SPAG16: variants seen among roughly 807,000 people sequenced by gnomAD.
SPAG16 encodes sperm-associated antigen 16 protein.
A neutral mutation model predicts 80.4 loss-of-function variants in SPAG16; 86 were observed. That is an observed-to-expected ratio of 1.07 (90% CI 0.90 to 1.28). The LOEUF is 1.28. SPAG16 is among the 50% of genes most tolerant of loss of function. The pLI, the probability that SPAG16 is intolerant of heterozygous loss-of-function variation, is 0.00. For synonymous variants in SPAG16, 294 were observed against 265.9 expected (o/e 1.11, Z -1.03); for missense variants, 870 against 765.3 (o/e 1.14, Z -1.61).
At chr2:213,750,735 G>C (rs926030423) in intron 10 of SPAG16, among the ~76,000 whole-genome samples, 3 of 152,188 alleles carry the variant, frequency 2.0e-5, no homozygotes, top group Admixed American at 1.3e-4. Flanking sequence ...AGATGCACTT[G>C]AGTAAAATGT....
chr2:214,242,814 G>A (rs1217249807), intron 15 of SPAG16, among the ~76,000 whole-genome samples: 3 of 152,026 alleles, frequency 2.0e-5, no homozygotes, highest in Non-Finnish European at 4.4e-5. Flanking sequence ...ACATTTTTCA[G>A]GACATATGTA....
At chr2:213,330,512 A>G (rs1447159552) in intron 5 of SPAG16, among the ~76,000 whole-genome samples, 1 of 152,196 alleles carries the variant, frequency 6.6e-6, no homozygotes, top group African/African-American at 2.4e-5. Context: ...CCCATTTGGA[A>G]TGGCTGTATT....
At chr2:213,370,525 A>C (rs886389319) in intron 8 of SPAG16, among the ~76,000 whole-genome samples, 3 of 152,162 alleles carry the variant, frequency 2.0e-5, no homozygotes, top group South Asian at 2.1e-4. Context: ...AAATTATCAT[A>C]ATTTCATGAA....
intron 12 of SPAG16, among the ~76,000 whole-genome samples, chr2:213,981,942 A>G (rs6754617): frequency 0.022 from 3,275 of 150,246 alleles, 187 homozygotes; most frequent in African/African-American, 0.078. Flanking sequence ...CAAAAACACT[A>G]TACCTTTTTC....
intron 15 of SPAG16, among the ~76,000 whole-genome samples, chr2:214,230,980 C>T (rs1057471868): frequency 4.6e-5 from 7 of 151,976 alleles, no homozygotes; most frequent in African/African-American, 1.7e-4. Context: ...TCCCAAAGAT[C>T]TTAAATTGGA....
intron 15 of SPAG16, among the ~76,000 whole-genome samples, chr2:214,270,849 T>G (rs944828248): frequency 5.3e-5 from 8 of 152,144 alleles, no homozygotes; most frequent in African/African-American, 1.9e-4. Flanking sequence ...ACAGCACATT[T>G]TTTATTTCTT....
At chr2:214,297,629 A>G (rs1244426271) in intron 15 of SPAG16, among the ~76,000 whole-genome samples, 1 of 151,938 alleles carries the variant, frequency 6.6e-6, no homozygotes, top group Non-Finnish European at 1.5e-5. Flanking sequence ...CTGACATTGG[A>G]AAATATAAGT....
chr2:213,490,170 G>T, intron 10 of SPAG16, 80 bp downstream of exon 10: 10 of 1,334,784 alleles, frequency 7.5e-6, no homozygotes, highest in Non-Finnish European at 9.1e-6. Flanking sequence ...AGCCATTCAT[G>T]GTTGAAATGG....
chr2:214,178,170 C>T (rs201104228), intron 15 of SPAG16, among the ~76,000 whole-genome samples: 1 of 142,556 alleles, frequency 7.0e-6, no homozygotes, highest in Non-Finnish European at 1.5e-5. Flanking sequence ...TCTAAATATA[C>T]CTAACTAGGG....
At chr2:214,088,314 C>G (rs1253138997) in intron 13 of SPAG16, among the ~76,000 whole-genome samples, 3 of 151,180 alleles carry the variant, frequency 2.0e-5, no homozygotes, top group Non-Finnish European at 4.4e-5. Context: ...TATTCCCAAT[C>G]TTACTTAACA....
At chr2:214,401,367 T>C (rs902462360) in intron 15 of SPAG16, among the ~76,000 whole-genome samples, 2 of 151,986 alleles carry the variant, frequency 1.3e-5, no homozygotes, top group Non-Finnish European at 1.5e-5. Context: ...TTCTGATGTG[T>C]ATAAAAATCA....
intron 15 of SPAG16, among the ~76,000 whole-genome samples, chr2:214,185,763 A>C (rs2057447807): frequency 1.3e-5 from 2 of 152,144 alleles, no homozygotes; most frequent in Non-Finnish European, 2.9e-5. Context: ...TAAATGGAAC[A>C]GATGTATGGT....
intron 2 of SPAG16, 176 bp from the exon 3 acceptor site, chr2:213,297,086 A>G (rs763679566): frequency 5.5e-6 from 8 of 1,455,544 alleles, no homozygotes; most frequent in South Asian, 1.2e-5. Flanking sequence ...GACATTTACA[A>G]GGAAGTCAGA....
chr2:214,214,066 A>G (rs1406448544), intron 15 of SPAG16, among the ~76,000 whole-genome samples: 2 of 152,050 alleles, frequency 1.3e-5, no homozygotes, highest in Non-Finnish European at 2.9e-5. Flanking sequence ...CATGTGTCCT[A>G]TACCCAGCCA....
intron 10 of SPAG16, among the ~76,000 whole-genome samples, chr2:213,737,560 T>C (rs992991803): frequency 1.3e-5 from 2 of 150,848 alleles, no homozygotes; most frequent in African/African-American, 4.9e-5. Context: ...CGATCTCGGC[T>C]CACTGCAAGC....
intron 5 of SPAG16, among the ~76,000 whole-genome samples, chr2:213,336,661 T>A (rs1276043404): frequency 1.3e-5 from 2 of 151,814 alleles, no homozygotes; most frequent in Non-Finnish European, 1.5e-5. Flanking sequence ...CACTGATCCA[T>A]TTTTTCTCAC....
chr2:213,399,712 T>G (rs908905669), intron 9 of SPAG16, among the ~76,000 whole-genome samples: 1 of 152,028 alleles, frequency 6.6e-6, no homozygotes, highest in Admixed American at 6.5e-5. Flanking sequence ...AAGATTTTTA[T>G]ACCCTGGAAG....
intron 15 of SPAG16, among the ~76,000 whole-genome samples, chr2:214,219,988 T>C (rs1433660699): frequency 1.3e-5 from 2 of 152,084 alleles, no homozygotes; most frequent in Non-Finnish European, 2.9e-5. Context: ...ATACATTACA[T>C]TTTGATTATT....
intron 10 of SPAG16, among the ~76,000 whole-genome samples, chr2:213,755,686 C>G (rs917890503): frequency 6.6e-6 from 1 of 151,992 alleles, no homozygotes; most frequent in Non-Finnish European, 1.5e-5. Flanking sequence ...AGTTAAAAAG[C>G]AAACAGAAAT....
Sources: allele counts gnomAD v4.1 joint callset (sites outside exome capture counted in the v4.1 genomes callset), GRCh38; gene constraint gnomAD v4.1.1; transcripts MANE v1.5; gene names NCBI Gene and HGNC (gene_info 2026-07-23, HGNC 2026-07-21).